MYO18B: variants seen among roughly 807,000 people sequenced by gnomAD.
MYO18B encodes unconventional myosin-XVIIIb.
In MYO18B, 204 loss-of-function variants were observed where a neutral mutation model predicts 273.0. The observed-to-expected ratio is 0.75, with a 90% CI of 0.67 to 0.84. MYO18B has a LOEUF of 0.84. MYO18B is among the 40% of genes least tolerant of loss of function. The pLI is 0.00. For missense variants in MYO18B, 3,212 were observed against 3,287.6 expected (o/e 0.98, Z 0.56); for synonymous variants, 1,330 against 1,305.7 (o/e 1.02, Z -0.40).
rs374703928 is a variant in MYO18B, at chr22:25,828,757, C to A, written c.2787-19C>A. 4.4e-6 allele frequency: 7 copies of A among 1,605,608 alleles called. No homozygotes were observed. The highest frequency in any genetic ancestry group is 1.7e-5 in the Admixed American group (1 of 59,752). ...TTCCATGCCATCTCAGACATTCCAC[C>A]TCTCTCTTCTCTCCCTAGATCCTTT... On this transcript the variant is annotated intron_variant, in intron 14 of 43. Coordinates refer to ENST00000335473, the MANE Select transcript of MYO18B (RefSeq NM_032608.7).
chr22:25,969,858 A>T (rs1286987050), intron 39 of MYO18B, among the ~76,000 whole-genome samples: 1 of 152,230 alleles, frequency 6.6e-6, no homozygotes, highest in Non-Finnish European at 1.5e-5. Context: ...GGATTACTTA[A>T]TAAAATAATG....
intron 5 of MYO18B, 58 bp downstream of exon 5, chr22:25,770,234 G>T (rs891162053): frequency 1.3e-6 from 2 of 1,538,542 alleles, no homozygotes; most frequent in African/African-American, 1.4e-5. Context: ...GCCCCCTACT[G>T]CTGCCAGCCA....
chr22:25,984,815 A>AT (rs397746599), intron 39 of MYO18B, among the ~76,000 whole-genome samples: 1 of 151,438 alleles, frequency 6.6e-6, no homozygotes, highest in Admixed American at 6.6e-5. Context: ...AAAAAAAAAA[A>AT]GTGTAGCAGA....
At chr22:25,895,415 T>C in intron 28 of MYO18B, 135 bp downstream of exon 28, 1 of 1,000,378 alleles carries the variant, frequency 1.0e-6, no homozygotes. Flanking sequence ...GGTTTTTCCA[T>C]CTCCACTATT....
chr22:25,767,322 C>T (rs1166229615), intron 3 of MYO18B, among the ~76,000 whole-genome samples: 4 of 152,168 alleles, frequency 2.6e-5, no homozygotes, highest in African/African-American at 9.7e-5. Flanking sequence ...ATGTCTGGGT[C>T]AGGCAAGAGT....
chr22:25,793,159 C>T (rs2087754467), intron 11 of MYO18B, among the ~76,000 whole-genome samples: 1 of 152,184 alleles, frequency 6.6e-6, no homozygotes, highest in African/African-American at 2.4e-5. Flanking sequence ...GGCCTCTGTG[C>T]TGGGTGCTTT....
intron 2 of MYO18B, 80 bp downstream of exon 2, chr22:25,761,211 A>T: frequency 6.6e-7 from 1 of 1,508,586 alleles, no homozygotes; most frequent in Non-Finnish European, 9.2e-7. Context: ...GACCTTTCCC[A>T]CCTTGAGTGG....
chr22:25,997,978 CGAGA>C lies in MYO18B; in HGVS notation c.6288-5266_6288-5263del, dbSNP rs5844669. On this transcript the variant is annotated intron_variant, in intron 40 of 43. Transcript: ENST00000335473. Reference sequence around the variant, plus strand: ...ACACAAACACACACACACACACACACGAGAGAGAGAGAGAGAGAGAGAGATGCTT... The same window carrying C: ...ACACAAACACACACACACACACACACGAGAGAGAGAGAGAGAGAGATGCTT... Among the ~76,000 whole-genome samples the C allele has an allele frequency of 2.4e-3, 353 of 144,532 alleles. 4 individuals carry two copies. The highest frequency in any genetic ancestry group is 7.7e-3 in the East Asian group (39 of 5,056). 94.8% of individuals were successfully genotyped at this position (144,532 alleles called of 152,430 possible). A position where few individuals can be genotyped will look rare whatever the true frequency, so the allele number is the denominator to read the frequency against.
chr22:25,785,959 T>G (rs1370814327), intron 11 of MYO18B, among the ~76,000 whole-genome samples: 1 of 152,180 alleles, frequency 6.6e-6, no homozygotes, highest in African/African-American at 2.4e-5. Flanking sequence ...TAGTGGTGGT[T>G]AACTTGGGTA....
intron 39 of MYO18B, among the ~76,000 whole-genome samples, chr22:25,970,515 C>T (rs779962980): frequency 2.0e-5 from 3 of 152,046 alleles, no homozygotes; most frequent in South Asian, 2.1e-4. Context: ...GTAAATGACT[C>T]GGAGCCCATC....
intron 12 of MYO18B, among the ~76,000 whole-genome samples, chr22:25,814,985 C>G (rs566257471): frequency 1.3e-5 from 2 of 152,308 alleles, no homozygotes; most frequent in African/African-American, 4.8e-5. Flanking sequence ...ATCCTACACC[C>G]TTATTCTTTA....
At chr22:25,861,163 C>T (rs762842217) in intron 21 of MYO18B, among the ~76,000 whole-genome samples, 7 of 152,148 alleles carry the variant, frequency 4.6e-5, no homozygotes, top group Non-Finnish European at 7.4e-5. Context: ...GGATAACAGG[C>T]GTGAGCCACT....
intron 31 of MYO18B, among the ~76,000 whole-genome samples, chr22:25,905,337 G>A (rs1206162754): frequency 6.6e-6 from 1 of 152,194 alleles, no homozygotes; most frequent in Non-Finnish European, 1.5e-5. Flanking sequence ...CTTTTACTCA[G>A]TCAGCCTGTA....
chr22:25,832,269 A>T (rs1448125748), intron 15 of MYO18B, among the ~76,000 whole-genome samples: 1 of 152,182 alleles, frequency 6.6e-6, no homozygotes, highest in Non-Finnish European at 1.5e-5. Context: ...TACTGAAAAG[A>T]ATTGAAATTA....
intron 40 of MYO18B, among the ~76,000 whole-genome samples, chr22:25,995,631 G>C: frequency 6.6e-6 from 1 of 152,242 alleles, no homozygotes; most frequent in East Asian, 1.9e-4. Flanking sequence ...CCGGTGGTGA[G>C]GTCACAGAAA....
intron 21 of MYO18B, among the ~76,000 whole-genome samples, chr22:25,867,603 T>C (rs115300849): frequency 0.013 from 1,855 of 148,294 alleles, 33 homozygotes; most frequent in African/African-American, 0.044. Context: ...TATATAAATA[T>C]CTCTTCAAGA....
chr22:26,008,894 G>C (rs16981203), intron 42 of MYO18B, among the ~76,000 whole-genome samples: 3,299 of 152,234 alleles, frequency 0.022, 131 homozygotes, highest in African/African-American at 0.076. Context: ...AACACATTGG[G>C]CTTCCTGAGC....
rs866499039 is a variant in MYO18B, at chr22:25,883,242, T to C, written c.4314+5194T>C. ...GTCACCTGGGGAACAGTTAGCTCTG[T>C]ATCTTCCCCAGTCCACCTCCTGAGG... is the stretch of plus-strand genomic sequence containing the variant. On this transcript the variant is annotated intron_variant, in intron 25 of 43. Transcript: ENST00000335473. This position sits in a 1 kb window ranked among gnomAD's most constrained non-coding sequence, Gnocchi z 7.6. Among the ~76,000 whole-genome samples the C allele has an allele frequency of 6.6e-6, 1 of 152,182 alleles. No individual in the cohort carries two copies. Among genetic ancestry groups the C allele is most frequent in the Non-Finnish European group, 1.5e-5 (1 of 68,026 alleles).
chr22:25,894,030 A>G (rs1277234851), intron 27 of MYO18B, among the ~76,000 whole-genome samples: 3 of 152,194 alleles, frequency 2.0e-5, no homozygotes, highest in African/African-American at 4.8e-5. Flanking sequence ...TATCCATTCA[A>G]CTATCCACCT....
Sources: allele counts gnomAD v4.1 joint callset (sites outside exome capture counted in the v4.1 genomes callset), GRCh38; gene constraint gnomAD v4.1.1; non-coding constraint Gnocchi (gnomAD v3.1); transcripts MANE v1.5; gene names NCBI Gene and HGNC (gene_info 2026-07-23, HGNC 2026-07-21).